CSMD3: variants seen among roughly 807,000 people sequenced by gnomAD.
The protein encoded by CSMD3 is CUB and sushi domain-containing protein 3.
In CSMD3, 177 loss-of-function variants were observed where a neutral mutation model predicts 435.2. The observed-to-expected ratio is 0.41, with a 90% CI of 0.36 to 0.46. The LOEUF is 0.46. Among genes scored for constraint, CSMD3 ranks in the 20% least tolerant of loss-of-function variants. CSMD3 has a pLI of 0.34. For missense variants in CSMD3, 4,265 were observed against 4,504.6 expected (o/e 0.95, Z 1.52); for synonymous variants, 1,656 against 1,520.5 (o/e 1.09, Z -2.07).
chr8:112,372,058 A>T, intron 38 of CSMD3, among the ~76,000 whole-genome samples: 1 of 152,134 alleles, frequency 6.6e-6, no homozygotes, highest in Admixed American at 6.6e-5. Flanking sequence ...AACAAAAAAC[A>T]TGAACACTGA....
At chr8:112,632,937 T>C (rs2074557766) in intron 22 of CSMD3, among the ~76,000 whole-genome samples, 1 of 151,946 alleles carries the variant, frequency 6.6e-6, no homozygotes, top group African/African-American at 2.4e-5. Context: ...ATCATTCAAA[T>C]ACAAAACATC....
rs570298166 is a variant in CSMD3 at position 113,425,219 on chromosome 8, T to G, written c.178+11458A>C. On this transcript the variant is annotated intron_variant, in intron 1 of 70. Coordinates refer to ENST00000297405, the MANE Select transcript of CSMD3 (RefSeq NM_198123.2). ...CTTAAATTATGTCAATCCCATAATA[T>G]TCACTTCAAAATAATACTATTCTAA... Among the ~76,000 whole-genome samples the G allele has an allele frequency of 4.0e-5, 6 of 151,632 alleles. No homozygotes were observed. In the South Asian group the frequency reaches 1.2e-3, roughly 31 times the overall value.
At chr8:112,476,762 C>T (rs945449496) in intron 31 of CSMD3, among the ~76,000 whole-genome samples, 14 of 152,158 alleles carry the variant, frequency 9.2e-5, no homozygotes, top group African/African-American at 2.9e-4. Flanking sequence ...TTTGCTCTCC[C>T]TGACTCTTGG....
At chr8:113,233,918 A>T (rs565913001) in intron 3 of CSMD3, among the ~76,000 whole-genome samples, 1 of 152,220 alleles carries the variant, frequency 6.6e-6, no homozygotes, top group Non-Finnish European at 1.5e-5. Context: ...CAGTAGCAGT[A>T]GCCAGAATTT....
At chr8:113,170,564 C>T (rs1262123151) in intron 4 of CSMD3, among the ~76,000 whole-genome samples, 2 of 152,018 alleles carry the variant, frequency 1.3e-5, no homozygotes, top group African/African-American at 4.8e-5. Flanking sequence ...ACTCAATGGG[C>T]GATATTAATA....
intron 32 of CSMD3, among the ~76,000 whole-genome samples, chr8:112,455,029 TA>T (rs540422362): frequency 9.3e-4 from 135 of 145,222 alleles, no homozygotes; most frequent in African/African-American, 1.4e-3. Flanking sequence ...GACCCTATAT[TA>T]AAAAAAAAAA....
intron 1 of CSMD3, among the ~76,000 whole-genome samples, chr8:113,408,289 A>G (rs577056430): frequency 1.3e-5 from 2 of 152,328 alleles, no homozygotes; most frequent in East Asian, 3.9e-4. Context: ...AGTTACAGAC[A>G]ATCATAATGA....
rs184804714 is a variant in CSMD3, at chr8:113,130,546, T to C, written c.710-31583A>G. On this transcript the variant is annotated intron_variant, in intron 4 of 70. Transcript: ENST00000297405. ...TCCCAGTCATGCTTCCTATTAAGCCTGTGGTACTGTGAGTCAATTAAACCT... is the reference window on the plus strand; with the variant it reads ...TCCCAGTCATGCTTCCTATTAAGCCCGTGGTACTGTGAGTCAATTAAACCT... Among the ~76,000 whole-genome samples the C allele has an allele frequency of 2.0e-5, 3 of 152,302 alleles. No individual in the cohort carries two copies. In the East Asian group the frequency reaches 5.8e-4, roughly 29 times the overall value.
intron 2 of CSMD3, among the ~76,000 whole-genome samples, chr8:113,294,845 A>G (rs894596063): frequency 6.6e-6 from 1 of 152,110 alleles, no homozygotes; most frequent in Admixed American, 6.6e-5. Flanking sequence ...GAACAGAATC[A>G]TAACATCATA....
chr8:112,653,483 T>C (rs145262449), intron 18 of CSMD3, among the ~76,000 whole-genome samples: 78 of 152,208 alleles, frequency 5.1e-4, no homozygotes, highest in African/African-American at 1.8e-3. Flanking sequence ...TTAAAATTTG[T>C]ATAATATTTA....
At chr8:113,253,837 GAAA>G (rs1158610148) in intron 3 of CSMD3, among the ~76,000 whole-genome samples, 3 of 126,402 alleles carry the variant, frequency 2.4e-5, no homozygotes, top group Non-Finnish European at 1.8e-5. Context: ...GACTCCGTCT[GAAA>G]AAAAAAAAAA....
chr8:113,344,697 A>T (rs1392171222), intron 1 of CSMD3, among the ~76,000 whole-genome samples: 5 of 152,152 alleles, frequency 3.3e-5, no homozygotes, highest in Non-Finnish European at 5.9e-5. Flanking sequence ...GGAAAGACAC[A>T]GTTTCATATT....
In CSMD3 at chr8:112,222,940, A is replaced by G. The variant is rs1812285211; in HGVS notation, c.*1831T>C. 1 of 394,886 alleles carries G rather than the reference A, an allele frequency of 2.5e-6. No individual in the cohort carries two copies. Among genetic ancestry groups the G allele is most frequent in the Non-Finnish European group, 4.5e-6 (1 of 223,444 alleles). The allele number at this position is 394,886 out of a possible 1,614,324, so 24.5% of individuals were successfully genotyped here. A position where few individuals can be genotyped will look rare whatever the true frequency, so the allele number is the denominator to read the frequency against. On this transcript the variant is annotated 3_prime_UTR_variant, in exon 71 of 71. Coordinates refer to ENST00000297405, the MANE Select transcript of CSMD3 (RefSeq NM_198123.2). ...AAAAAAAAACACATTTTACAAAAGC[A>G]ATTATCCATTTTTATTTTGTTTACA...
intron 32 of CSMD3, among the ~76,000 whole-genome samples, chr8:112,447,249 T>C (rs1263252051): frequency 6.6e-6 from 1 of 152,114 alleles, no homozygotes; most frequent in East Asian, 1.9e-4. Context: ...CTTATATTTT[T>C]AAATTTTTAT....
intron 69 of CSMD3, among the ~76,000 whole-genome samples, chr8:112,230,429 T>TCTTACTTTTTAC (rs1193647900): frequency 6.6e-6 from 1 of 152,208 alleles, no homozygotes; most frequent in Non-Finnish European, 1.5e-5. Flanking sequence ...AAAATTAGTA[T>TCTTACTTTTTAC]CTTATTTTTT....
chr8:113,299,103 A>T (rs767282261), intron 2 of CSMD3, among the ~76,000 whole-genome samples: 1 of 152,148 alleles, frequency 6.6e-6, no homozygotes, highest in East Asian at 1.9e-4. Flanking sequence ...TATTAGCCAA[A>T]AGCGTGCTCA....
intron 10 of CSMD3, among the ~76,000 whole-genome samples, chr8:112,892,173 T>C (rs1017873444): frequency 1.3e-5 from 2 of 151,592 alleles, no homozygotes; most frequent in East Asian, 2.0e-4. Flanking sequence ...CCCAGGAATA[T>C]ATTATTTTTT....
intron 59 of CSMD3, among the ~76,000 whole-genome samples, chr8:112,267,387 A>G (rs1817049573): frequency 2.6e-5 from 4 of 152,126 alleles, no homozygotes. Context: ...ATTGGGGAGT[A>G]AAAAGATTTT....
At chr8:112,637,040 A>T in intron 21 of CSMD3, 35 bp from the exon 22 acceptor site, 7 of 1,533,200 alleles carry the variant, frequency 4.6e-6, no homozygotes, top group Non-Finnish European at 6.3e-6. Flanking sequence ...CCCGCGGGGG[A>T]GGAAAGGACA....
Sources: allele counts gnomAD v4.1 joint callset (sites outside exome capture counted in the v4.1 genomes callset), GRCh38; gene constraint gnomAD v4.1.1; transcripts MANE v1.5; gene names NCBI Gene and HGNC (gene_info 2026-07-23, HGNC 2026-07-21).